The following PUM1 variants were observed in gnomAD, a reference collection of about 807,000 sequenced individuals.
PUM1 encodes pumilio homolog 1.
A neutral mutation model predicts 131.8 loss-of-function variants in PUM1; 13 were observed. That is an observed-to-expected ratio of 0.10 (90% CI 0.06 to 0.16). The LOEUF is 0.16. PUM1 is among the 10% of genes least tolerant of loss of function. The pLI is 1.00. For missense variants in PUM1, 961 were observed against 1,512.4 expected, an observed-to-expected ratio of 0.64 and a Z score of 6.05; for synonymous variants, 509 against 556.5, an observed-to-expected ratio of 0.91 and a Z score of 1.20.
At chr1:31,001,128 G>A (rs1642195591) in intron 5 of PUM1, among the ~76,000 whole-genome samples, 1 of 152,102 alleles carries the variant, frequency 6.6e-6, no homozygotes, top group South Asian at 2.1e-4. Flanking sequence ...AGCTTGCAGT[G>A]AGCCGAGATT....
chr1:30,966,983 ACCC>A (rs1158291254), intron 12 of PUM1, 181 bp downstream of exon 12: 15 of 642,658 alleles, frequency 2.3e-5, no homozygotes, highest in Middle Eastern at 9.5e-4. Flanking sequence ...CAACCCACCA[ACCC>A]CCCAACAAAA....
intron 18 of PUM1, among the ~76,000 whole-genome samples, chr1:30,943,109 G>A (rs1187110214): frequency 6.6e-6 from 1 of 152,130 alleles, no homozygotes; most frequent in East Asian, 1.9e-4. Flanking sequence ...AAGATAAATA[G>A]TATACTGTAT....
At chr1:31,008,931 T>A (rs1019073014) in intron 3 of PUM1, among the ~76,000 whole-genome samples, 2 of 150,142 alleles carry the variant, frequency 1.3e-5, no homozygotes, top group African/African-American at 4.9e-5. Flanking sequence ...CCTAGCACTT[T>A]GGGAGGCCAA....
intron 3 of PUM1, among the ~76,000 whole-genome samples, chr1:31,014,985 A>C (rs889611297): frequency 7.9e-5 from 12 of 152,178 alleles, no homozygotes; most frequent in Non-Finnish European, 1.8e-4. Flanking sequence ...ATAAGCAAGC[A>C]AACAAGTTGT....
At position 31,043,310 on chromosome 1, in the gene PUM1, C is replaced by A. The variant is rs142791606; in HGVS notation, c.364-14446G>T. On this transcript the variant is annotated intron_variant, in intron 2 of 21. Transcript: ENST00000426105. ...ATCCGCCTCCAGGGTTCAAGTGATT[C>A]TCCTGCCTCAGCCACCTGAGAACCT... Among the ~76,000 whole-genome samples, 772 of 152,048 alleles carry A rather than the reference C, an allele frequency of 5.1e-3. 4 individuals carry two copies. Among genetic ancestry groups the A allele is most frequent in the East Asian group, 0.032 (165 of 5,176 alleles).
chr1:31,059,659 T>G (rs1354297520), intron 1 of PUM1, 82 bp from the exon 2 acceptor site: 25 of 1,460,720 alleles, frequency 1.7e-5, no homozygotes, highest in Non-Finnish European at 1.9e-5. Context: ...ATGAACCCCA[T>G]GTCTTTTACA....
Position 31,059,341 on chromosome 1 carries a change from G to T in PUM1, c.226C>A (p.Gln76Lys). The T allele has an allele frequency of 6.2e-7, 1 of 1,614,148 alleles. No homozygotes were observed. Among genetic ancestry groups the T allele is most frequent in the Non-Finnish European group, 8.5e-7 (1 of 1,180,034 alleles). ...PGSIGVAGRS[Q>K]DDAMVDYFFQ... ...AAGTAGTCCACCATAGCGTCGTCCTGGGAACGGCCTGCAACTCCTATAGAT... is the reference window on the plus strand; with the variant it reads ...AAGTAGTCCACCATAGCGTCGTCCTTGGAACGGCCTGCAACTCCTATAGAT... The change falls in exon 2 of 22, where the codon CAG becomes AAG. Residue 76 changes from glutamine (Q) to lysine (K), a missense_variant. Coordinates refer to ENST00000426105, the MANE Select transcript of PUM1 (RefSeq NM_001020658.2).
intron 13 of PUM1, 30 bp downstream of exon 13, chr1:30,965,952 G>T (rs1309953772): frequency 6.3e-7 from 1 of 1,579,090 alleles, no homozygotes. Flanking sequence ...TTAAAATTCA[G>T]TCTTAAGAGC....
At chr1:31,015,336 A>G (rs573095007) in intron 3 of PUM1, among the ~76,000 whole-genome samples, 8 of 151,486 alleles carry the variant, frequency 5.3e-5, no homozygotes, top group Non-Finnish European at 1.2e-4. Context: ...ACATAATTTC[A>G]TTTTCTTTTT....
At position 31,065,656 on chromosome 1, in the gene PUM1, T is replaced by G; in HGVS notation, c.-52A>C. ...ATGAAGATGGATTTCAGCCCCCCGATCTTCTCTCTCTGGCGCTCTCGCTCC... is the reference window on the plus strand; with the variant it reads ...ATGAAGATGGATTTCAGCCCCCCGAGCTTCTCTCTCTGGCGCTCTCGCTCC... On this transcript the variant is annotated 5_prime_UTR_variant, in exon 1 of 22. Transcript: ENST00000426105. 6.5e-7 allele frequency: 1 copy of G among 1,549,700 alleles called. No individual in the cohort carries two copies.
intron 10 of PUM1, among the ~76,000 whole-genome samples, chr1:30,972,293 G>A (rs1296761746): frequency 0.84 from 10,326 of 12,350 alleles, 4,151 homozygotes; most frequent in Middle Eastern, 0.92. Flanking sequence ...GAAGGGGAGG[G>A]GAGGGGAGGG....
chr1:30,933,454 A>ACACACACACG, intron 21 of PUM1, 112 bp from the exon 22 acceptor site: 2 of 745,066 alleles, frequency 2.7e-6, no homozygotes, highest in East Asian at 3.1e-5. Context: ...ACACACACAC[A>ACACACACACG]CACACACACA....
chr1:30,996,444 T>G (rs542191105), intron 5 of PUM1, among the ~76,000 whole-genome samples: 1 of 152,314 alleles, frequency 6.6e-6, no homozygotes, highest in East Asian at 1.9e-4. Flanking sequence ...CAGATGCTCT[T>G]AAGAGATCAC....
At chr1:31,035,535 T>G (rs528299636) in intron 2 of PUM1, among the ~76,000 whole-genome samples, 9 of 152,220 alleles carry the variant, frequency 5.9e-5, no homozygotes, top group African/African-American at 2.2e-4. Flanking sequence ...GCGGATCACC[T>G]GAGGTCAGGA....
intron 3 of PUM1, among the ~76,000 whole-genome samples, chr1:31,010,012 G>A (rs149054000): frequency 8.5e-5 from 13 of 152,174 alleles, no homozygotes; most frequent in African/African-American, 3.1e-4. Context: ...ACACATAAGC[G>A]AGGCTATTTT....
Position 30,947,856 on chromosome 1 carries a change from G to A in PUM1, c.2856+2271C>T, listed in dbSNP as rs949882099. Among the ~76,000 whole-genome samples the A allele has an allele frequency of 2.6e-5, 4 of 151,746 alleles. No individual in the cohort carries two copies. In the East Asian group the frequency reaches 7.7e-4, roughly 29 times the overall value. On this transcript the variant is annotated intron_variant, in intron 17 of 21. Transcript: ENST00000426105. ...CAAGAGACACAGTGATTAACCAAGT[G>A]TCAGAAGGGAATAAATTTTTTTTTT...
chr1:31,056,336 A>G (rs1644236075), intron 2 of PUM1, among the ~76,000 whole-genome samples: 1 of 152,014 alleles, frequency 6.6e-6, no homozygotes, highest in East Asian at 1.9e-4. Context: ...GCTGGAGTGC[A>G]ATGGTGTGAT....
intron 4 of PUM1, among the ~76,000 whole-genome samples, chr1:31,006,529 T>C (rs1412446060): frequency 6.6e-6 from 1 of 152,206 alleles, no homozygotes; most frequent in Non-Finnish European, 1.5e-5. Context: ...TCTGCCTCTA[T>C]AAGTTCTCCC....
At chr1:31,036,192 C>T (rs573683660) in intron 2 of PUM1, among the ~76,000 whole-genome samples, 23 of 152,172 alleles carry the variant, frequency 1.5e-4, no homozygotes, top group Admixed American at 1.0e-3. Context: ...ACCTCAGCCT[C>T]CCGAGTAGCT....
Sources: gnomAD v4.1 joint callset for allele counts (sites outside exome capture counted in the v4.1 genomes callset) on GRCh38, gnomAD v4.1.1 for gene constraint, MANE v1.5 for transcripts, NCBI Gene and HGNC (gene_info 2026-07-23, HGNC 2026-07-21) for gene names.